RPL5: variants seen among roughly 807,000 people sequenced by gnomAD.
The protein encoded by RPL5 is ribosomal protein L5, also known as large ribosomal subunit protein uL18.
In RPL5, 1 loss-of-function variant was observed where a neutral mutation model predicts 38.4. The ratio of observed to expected loss-of-function variants is 0.03; its 90% CI spans 0.01 to 0.12. The LOEUF (loss-of-function observed/expected upper bound fraction) is 0.12. Ranked by LOEUF, RPL5 falls within the 10% of genes least tolerant of loss-of-function variation. The pLI, the probability that RPL5 is intolerant of heterozygous loss-of-function variation, is 1.00. For missense variants in RPL5, 243 were observed against 374.1 expected, an observed-to-expected ratio of 0.65 and a Z score of 2.89; for synonymous variants, 109 against 121.2, an observed-to-expected ratio of 0.90 and a Z score of 0.66.
chr1:92,833,318 A>C, intron 1 of RPL5, 71 bp from the exon 2 acceptor site: 1 of 1,239,722 alleles, frequency 8.1e-7, no homozygotes, highest in South Asian at 1.2e-5. Context: ...ACTTTGTTAC[A>C]TGGTTAATTT....
At chr1:92,841,711 ATATTC>A in intron 7 of RPL5, 50 bp from the exon 8 acceptor site, 1 of 1,079,216 alleles carries the variant, frequency 9.3e-7, no homozygotes, top group Non-Finnish European at 1.3e-6. Flanking sequence ...TTTAAATTAA[ATATTC>A]TATTCTCTTC....
intron 1 of RPL5, 116 bp downstream of exon 1, chr1:92,832,233 T>C: frequency 2.0e-6 from 3 of 1,502,850 alleles, no homozygotes; most frequent in Non-Finnish European, 1.8e-6. Flanking sequence ...GTTAGATTGC[T>C]AGCTCTGACT....
At chr1:92,839,685 AC>A (rs1245550334) in intron 6 of RPL5, among the ~76,000 whole-genome samples, 61 of 152,326 alleles carry the variant, frequency 4.0e-4, no homozygotes, top group African/African-American at 1.4e-3. Context: ...ATATCTTAAT[AC>A]TTTTGGCACT....
intron 6 of RPL5, among the ~76,000 whole-genome samples, chr1:92,839,125 G>A (rs1358602951): frequency 6.0e-5 from 9 of 150,622 alleles, no homozygotes; most frequent in Admixed American, 2.0e-4. Flanking sequence ...TTGGGAGGCC[G>A]TGGTGGGCAG....
Position 92,832,114 on chromosome 1 carries a change from G to A in RPL5, c.-1G>A, listed in dbSNP as rs1686929272. ...GCGGACGCCGGTCTCTGTTCCGCAG[G>A]ATGGTGAGTGGATGCCTCGGTCTCG... On this transcript the variant is annotated 5_prime_UTR_variant, in exon 1 of 8. Coordinates refer to ENST00000370321, the MANE Select transcript of RPL5 (RefSeq NM_000969.5). The A allele has an allele frequency of 1.2e-6, 2 of 1,614,166 alleles. No individual in the cohort carries two copies. The highest frequency in any genetic ancestry group is 2.7e-5 in the African/African-American group (2 of 75,076).
intron 5 of RPL5, chr1:92,836,956 G>A (rs1327763575): frequency 4.3e-6 from 1 of 230,954 alleles, no homozygotes; most frequent in Non-Finnish European, 8.7e-6. Context: ...TTAGCATTTG[G>A]TGATTTAACC....
At chr1:92,837,918 C>CTTCACTTAT in intron 6 of RPL5, 1 of 422,020 alleles carries the variant, frequency 2.4e-6, no homozygotes, top group Admixed American at 3.8e-5. Flanking sequence ...AGATAATAAA[C>CTTCACTTAT]TTCACTTATT....
chr1:92,832,399 C>G, intron 1 of RPL5: 3 of 588,984 alleles, frequency 5.1e-6, no homozygotes, highest in Admixed American at 2.8e-5. Context: ...ATACTGCCGT[C>G]TAGTGTGAGG....
intron 2 of RPL5, 30 bp from the exon 3 acceptor site, chr1:92,833,515 A>G (rs1686997438): frequency 6.2e-7 from 1 of 1,611,614 alleles, no homozygotes; most frequent in Non-Finnish European, 8.5e-7. Flanking sequence ...GCAGTGGAGT[A>G]TCCTTTCTAC....
At chr1:92,832,296 G>C in intron 1 of RPL5, 179 bp downstream of exon 1, 2 of 938,412 alleles carry the variant, frequency 2.1e-6, no homozygotes, top group East Asian at 5.3e-5. Context: ...CCCGGTGCGC[G>C]AACTTGGGGG....
At chr1:92,839,847 CTT>C (rs539843617) in intron 6 of RPL5, among the ~76,000 whole-genome samples, 2 of 146,680 alleles carry the variant, frequency 1.4e-5, no homozygotes, top group Non-Finnish European at 1.5e-5. Context: ...TGTTTTCTTA[CTT>C]TTTTTTTTTG....
At chr1:92,837,719 T>A (rs1285507428) in intron 6 of RPL5, 86 bp downstream of exon 6, 4 of 1,074,304 alleles carry the variant, frequency 3.7e-6, no homozygotes, top group Non-Finnish European at 4.2e-6. Flanking sequence ...AACATTCTTA[T>A]ATAGGTGTGT....
At chr1:92,837,338 G>A (rs777180796) in intron 5 of RPL5, 118 bp from the exon 6 acceptor site, 2 of 880,544 alleles carry the variant, frequency 2.3e-6, no homozygotes, top group Non-Finnish European at 3.9e-6. Context: ...TGGTCCTTTG[G>A]TTGCATATGA....
Position 92,837,437 on chromosome 1 carries a change from A to T in RPL5, c.528-19A>T. 1 of 1,606,720 alleles carries T rather than the reference A, an allele frequency of 6.2e-7. No individual in the cohort carries two copies. Among genetic ancestry groups the T allele is most frequent in the Non-Finnish European group, 8.5e-7 (1 of 1,173,272 alleles). ...AAGTTAAGTGAGTCTATACTAAAAT[A>T]TGAATAACTTTATTTTAGTACCAAA... On this transcript the variant is annotated intron_variant, in intron 5 of 7. Transcript: ENST00000370321.
intron 3 of RPL5, 52 bp from the exon 4 acceptor site, chr1:92,834,727 A>G (rs1687048090): frequency 1.2e-6 from 2 of 1,606,744 alleles, no homozygotes; most frequent in Admixed American, 3.3e-5. Context: ...ATTAAGATGT[A>G]GTAAGACAGT....
intron 3 of RPL5, 105 bp downstream of exon 3, chr1:92,833,765 A>G (rs1226971321): frequency 5.8e-6 from 5 of 858,316 alleles, no homozygotes; most frequent in South Asian, 1.4e-5. Context: ...AGCACCTCCA[A>G]AAGCATCCAG....
Position 92,834,871 on chromosome 1 carries a change from T to C in RPL5, c.282T>C (p.Asn94=). The change falls in exon 4 of 8, where the codon AAT becomes AAC. Residue 94 remains asparagine (N), a synonymous_variant. Transcript: ENST00000370321. ...PKYGVKVGLT[N]YAAAYCTGLL... ...ATGGTGTGAAGGTTGGCCTGACAAA[T>C]TATGCTGCAGCATATTGTACTGGCC... is the stretch of plus-strand genomic sequence containing the variant. 1.2e-6 allele frequency: 2 copies of C among 1,605,130 alleles called. No homozygotes were observed. Among genetic ancestry groups the C allele is most frequent in the South Asian group, 1.1e-5 (1 of 91,088 alleles).
intron 7 of RPL5, 177 bp downstream of exon 7, chr1:92,840,816 C>T (rs1557444332): frequency 1.4e-6 from 1 of 723,294 alleles, no homozygotes. Flanking sequence ...TAGCCTCAGA[C>T]ACTACTGAGG....
At position 92,832,101 on chromosome 1, in the gene RPL5, C is replaced by G. The variant is rs372092314; in HGVS notation, c.-14C>G. On this transcript the variant is annotated 5_prime_UTR_variant, in exon 1 of 8. Coordinates refer to ENST00000370321, the MANE Select transcript of RPL5 (RefSeq NM_000969.5). ...TCTCTGTCGAGCAGCGGACGCCGGT[C>G]TCTGTTCCGCAGGATGGTGAGTGGA... 6.8e-5 allele frequency: 109 copies of G among 1,614,010 alleles called. No individual in the cohort carries two copies. Among genetic ancestry groups the G allele is most frequent in the Middle Eastern group, 1.6e-4 (1 of 6,082 alleles).
Sources: allele counts gnomAD v4.1 joint callset (sites outside exome capture counted in the v4.1 genomes callset), GRCh38; gene constraint gnomAD v4.1.1; transcripts MANE v1.5; gene names NCBI Gene and HGNC (gene_info 2026-07-23, HGNC 2026-07-21).